Variants in GLT1D1 observed in about 807,000 individuals in gnomAD.
GLT1D1 encodes glycosyltransferase 1 domain containing 1.
In GLT1D1, 21 loss-of-function variants were observed where a neutral mutation model predicts 28.7. That is an observed-to-expected ratio of 0.73 (90% confidence interval 0.52 to 1.05). The LOEUF is 1.05. Ranked by LOEUF, GLT1D1 falls within the 50% of genes least tolerant of loss-of-function variation. The pLI is 0.00. For missense variants in GLT1D1, 343 were observed against 330.6 expected (o/e 1.04, Z -0.29); for synonymous variants, 147 against 124.8 (o/e 1.18, Z -1.19).
At position 128,961,802 on chromosome 12, in the gene GLT1D1, C is replaced by T. The variant is rs142970992; in HGVS notation, c.639+4159C>T. Among the ~76,000 whole-genome samples the T allele has an allele frequency of 7.2e-5, 11 of 152,296 alleles. No homozygotes were observed. The East Asian group carries it at 1.2e-3, about 16-fold the overall frequency. ...CTCATAGACACACCCAGAGATAAGG[C>T]GTCACCAGCTATCTGGACATCCCTT... On this transcript the variant is annotated intron_variant, in intron 7 of 7. Coordinates refer to ENST00000281703, the MANE Select transcript of GLT1D1 (RefSeq NM_144669.3).
chr12:128,905,464 G>A (rs912416296), intron 4 of GLT1D1, among the ~76,000 whole-genome samples: 1 of 152,182 alleles, frequency 6.6e-6, no homozygotes, highest in Non-Finnish European at 1.5e-5. Flanking sequence ...GTTTGTAACC[G>A]GTGAGTGAAC....
At chr12:128,978,608 C>A (rs930754828) in intron 7 of GLT1D1, among the ~76,000 whole-genome samples, 1 of 152,052 alleles carries the variant, frequency 6.6e-6, no homozygotes, top group Non-Finnish European at 1.5e-5. Context: ...CATCTTGTTA[C>A]GGGAAAGGGG....
chr12:128,854,532 G>C (rs1956163801), intron 1 of GLT1D1, among the ~76,000 whole-genome samples: 3 of 151,968 alleles, frequency 2.0e-5, no homozygotes, highest in Admixed American at 6.6e-5. Flanking sequence ...GAGTCTCGCT[G>C]TGTCACCCAG....
intron 4 of GLT1D1, among the ~76,000 whole-genome samples, chr12:128,936,487 TG>T (rs1874577619): frequency 6.6e-6 from 1 of 152,220 alleles, no homozygotes; most frequent in South Asian, 2.1e-4. Flanking sequence ...GTTACCTTTC[TG>T]CTTTGACATG....
rs192769532 is a variant in GLT1D1 at position 128,886,273 on chromosome 12, A to G, written c.218-2366A>G. The stretch of plus-strand genomic sequence containing the variant: ...ATCAACAGCTTGAAAATGGACTAAT[A>G]CAGTCCCTTTGTGGCAATAGGGTGT... On this transcript the variant is annotated intron_variant, in intron 2 of 7. Transcript: ENST00000281703. Among the ~76,000 whole-genome samples the G allele has an allele frequency of 1.3e-3, 199 of 152,218 alleles. 1 individual carries two copies. Among genetic ancestry groups the G allele is most frequent in the Admixed American group, 7.1e-3 (108 of 15,282 alleles).
At chr12:128,977,187 C>T (rs1477571938) in intron 7 of GLT1D1, among the ~76,000 whole-genome samples, 2 of 152,048 alleles carry the variant, frequency 1.3e-5, no homozygotes, top group Admixed American at 6.6e-5. Flanking sequence ...ACTTCTTTTC[C>T]TCTGGATCTT....
At chr12:128,962,996 A>C (rs906634740) in intron 7 of GLT1D1, among the ~76,000 whole-genome samples, 2 of 152,118 alleles carry the variant, frequency 1.3e-5, no homozygotes, top group Non-Finnish European at 2.9e-5. Context: ...CACCGCGCCC[A>C]GCCAAAATGA....
chr12:128,895,079 C>T (rs1204091933), intron 3 of GLT1D1, among the ~76,000 whole-genome samples: 7 of 152,080 alleles, frequency 4.6e-5, no homozygotes, highest in Admixed American at 1.3e-4. Flanking sequence ...TTTCTGGCAT[C>T]GTAAAATGTC....
chr12:128,953,105 C>T (rs1440296883), intron 6 of GLT1D1, among the ~76,000 whole-genome samples: 2 of 151,980 alleles, frequency 1.3e-5, no homozygotes, highest in East Asian at 3.9e-4. Context: ...TTTTCACGTG[C>T]TTATCGCCCC....
intron 1 of GLT1D1, among the ~76,000 whole-genome samples, chr12:128,855,055 G>A (rs1035499192): frequency 5.3e-5 from 8 of 151,904 alleles, no homozygotes; most frequent in Admixed American, 2.0e-4. Context: ...GTATGGGAGA[G>A]GAATGAAGGA....
chr12:128,853,746 C>T, intron 1 of GLT1D1, 97 bp downstream of exon 1: 5 of 812,604 alleles, frequency 6.2e-6, no homozygotes, highest in Non-Finnish European at 7.6e-6. Flanking sequence ...CAGGCCCCCT[C>T]CAGCCGCGCC....
rs74959946 is a variant in GLT1D1, at chr12:128,948,310, C to G, written c.540+852C>G. 8.6e-3 allele frequency among the ~76,000 whole-genome samples: 1,316 copies of G among 152,294 alleles called. 23 individuals carry two copies. Among genetic ancestry groups the G allele is most frequent in the African/African-American group, 0.028 (1,178 of 41,556 alleles). On this transcript the variant is annotated intron_variant, in intron 6 of 7. Coordinates refer to ENST00000281703, the MANE Select transcript of GLT1D1 (RefSeq NM_144669.3). ...TCTCACAGAAAAAGATGTTCCTTCT[C>G]TTGTTTCGTTGTTAGTTCATTGCCC...
intron 5 of GLT1D1, 89 bp from the exon 10 acceptor site, chr12:128,947,249 T>A: frequency 6.8e-7 from 1 of 1,479,368 alleles, no homozygotes; most frequent in Non-Finnish European, 9.4e-7. Flanking sequence ...ATCTAGAGTA[T>A]TACACCCAAA....
rs956420832 is a variant in GLT1D1 at position 128,948,790 on chromosome 12, C to T, written c.540+1332C>T. 2.0e-5 allele frequency among the ~76,000 whole-genome samples: 3 copies of T among 152,208 alleles called. No individual in the cohort carries two copies. The Middle Eastern group carries it at 0.01, about 518-fold the overall frequency. The stretch of plus-strand genomic sequence containing the variant: ...ATGGTAAATAAACTAGGAAAAAAAT[C>T]CTCTCCTTACATTTAAGAAATGACT... On this transcript the variant is annotated intron_variant, in intron 6 of 7. Transcript: ENST00000281703.
chr12:128,908,323 C>CTTCTTTCTTTCTTTCTTTCTTTCTTTCT lies in GLT1D1; in HGVS notation c.375+9059_375+9060insTTTCTTTCTTTCTTTCTTTCTTTCTTTC, dbSNP rs200053987. Among the ~76,000 whole-genome samples the CTTCTTTCTTTCTTTCTTTCTTTCTTTCT allele has an allele frequency of 1.0e-3, 153 of 147,468 alleles. 1 individual carries two copies. The highest frequency in any genetic ancestry group is 4.5e-3 in the East Asian group (22 of 4,934). On this transcript the variant is annotated intron_variant, in intron 4 of 7. Transcript: ENST00000281703. ...CACCCACGTATTTTCTTTTACTTTC[C>CTTCTTTCTTTCTTTCTTTCTTTCTTTCT]TTCTTTCTTTCTTTCTTTCTTTCCC... is the stretch of plus-strand genomic sequence containing the variant.
At chr12:128,946,119 G>A (rs1054038117) in intron 5 of GLT1D1, among the ~76,000 whole-genome samples, 15 of 152,264 alleles carry the variant, frequency 9.9e-5, no homozygotes, top group South Asian at 2.1e-4. Flanking sequence ...GTGCAGACGC[G>A]TGTGTGCAAA....
intron 2 of GLT1D1, among the ~76,000 whole-genome samples, chr12:128,883,521 C>T (rs917416184): frequency 7.5e-5 from 11 of 147,178 alleles, no homozygotes; most frequent in African/African-American, 2.3e-4. Context: ...ACCCGGGAGA[C>T]GGAGCTTGCA....
intron 2 of GLT1D1, among the ~76,000 whole-genome samples, chr12:128,884,005 A>C (rs1015082763): frequency 2.0e-5 from 3 of 152,186 alleles, no homozygotes; most frequent in African/African-American, 7.2e-5. Context: ...GAGTTTATAA[A>C]TATATCCTCG....
At chr12:128,921,909 T>G (rs1299029443) in intron 4 of GLT1D1, among the ~76,000 whole-genome samples, 1 of 149,620 alleles carries the variant, frequency 6.7e-6, no homozygotes, top group Non-Finnish European at 1.5e-5. Flanking sequence ...TTTGTTTGTT[T>G]GACATTTACT....
Sources: allele counts gnomAD v4.1 joint callset (sites outside exome capture counted in the v4.1 genomes callset), GRCh38; gene constraint gnomAD v4.1.1; transcripts MANE v1.5; gene names NCBI Gene and HGNC (gene_info 2026-07-23, HGNC 2026-07-21).